ETV5: variants seen among roughly 807,000 people sequenced by gnomAD.
ETV5 encodes ETS translocation variant 5.
In ETV5, 10 loss-of-function variants were observed where a neutral mutation model predicts 70.0. The observed-to-expected ratio is 0.14, with a 90% CI of 0.09 to 0.24. The LOEUF is 0.24. ETV5 is among the 10% of genes least tolerant of loss of function. ETV5 has a pLI of 1.00. For missense variants in ETV5, 453 were observed against 651.2 expected, an observed-to-expected ratio of 0.70 and a Z score of 3.31; for synonymous variants, 216 against 242.2, an observed-to-expected ratio of 0.89 and a Z score of 1.01.
chr3:186,076,584 T>C (rs1578550251), intron 7 of ETV5: 1 of 184,672 alleles, frequency 5.4e-6, no homozygotes, highest in East Asian at 8.8e-5. Flanking sequence ...TGTGCCGCCA[T>C]GTGTGGCAAG....
intron 1 of ETV5, among the ~76,000 whole-genome samples, chr3:186,107,667 C>A (rs537480877): frequency 6.6e-6 from 1 of 152,308 alleles, no homozygotes; most frequent in African/African-American, 2.4e-5. Context: ...TTTGCCCCCC[C>A]ACCACCCGCG....
rs564366443 is a variant in ETV5 at position 186,095,952 on chromosome 3, C to G, written c.232+9353G>C. On this transcript the variant is annotated intron_variant, in intron 5 of 12. Coordinates refer to ENST00000306376, the MANE Select transcript of ETV5 (RefSeq NM_004454.3). ...CAGTGCGCAGAGCAGGCGCTGTGGCCGAGGCGGGACATAAACACGTGACAG... is the reference window on the plus strand; with the variant it reads ...CAGTGCGCAGAGCAGGCGCTGTGGCGGAGGCGGGACATAAACACGTGACAG... Among the ~76,000 whole-genome samples, 4 of 152,198 alleles carry G rather than the reference C, an allele frequency of 2.6e-5. No individual in the cohort carries two copies. The East Asian group carries it at 7.7e-4, about 29-fold the overall frequency.
intron 7 of ETV5, among the ~76,000 whole-genome samples, chr3:186,069,611 C>T (rs987158694): frequency 2.0e-5 from 3 of 151,798 alleles, no homozygotes; most frequent in East Asian, 1.9e-4. Flanking sequence ...CTCAGCTCAC[C>T]GCAACCTCCG....
intron 9 of ETV5, among the ~76,000 whole-genome samples, chr3:186,060,861 C>G (rs1024971060): frequency 6.6e-6 from 1 of 152,148 alleles, no homozygotes; most frequent in African/African-American, 2.4e-5. Context: ...TGTAATTATG[C>G]AAAATGTTTT....
At chr3:186,099,921 G>A (rs1272188806) in intron 5 of ETV5, among the ~76,000 whole-genome samples, 3 of 152,200 alleles carry the variant, frequency 2.0e-5, no homozygotes, top group African/African-American at 4.8e-5. Context: ...GACTAACAGC[G>A]CAGAGACACA....
intron 5 of ETV5, among the ~76,000 whole-genome samples, chr3:186,102,242 CTT>C (rs932453221): frequency 3.3e-5 from 5 of 151,946 alleles, no homozygotes; most frequent in African/African-American, 1.2e-4. Flanking sequence ...TAGTATTTCT[CTT>C]TCTTTCATGT....
intron 9 of ETV5, among the ~76,000 whole-genome samples, chr3:186,063,804 AG>A (rs1180395283): frequency 1.3e-5 from 2 of 152,098 alleles, no homozygotes; most frequent in African/African-American, 4.8e-5. Flanking sequence ...AGCCCCCTCA[AG>A]GTTGGTGAAG....
chr3:186,107,339 G>A (rs917933735), intron 1 of ETV5, among the ~76,000 whole-genome samples: 2 of 152,178 alleles, frequency 1.3e-5, no homozygotes, highest in African/African-American at 2.4e-5. Context: ...TCAGCAGTGA[G>A]TTGAGGGGCA....
At chr3:186,102,496 G>A (rs145647416) in intron 5 of ETV5, among the ~76,000 whole-genome samples, 1,889 of 152,066 alleles carry the variant, frequency 0.012, 32 homozygotes, top group African/African-American at 0.043. Context: ...AGCCAGGCAT[G>A]GTGGCAGGTG....
intron 7 of ETV5, among the ~76,000 whole-genome samples, chr3:186,067,110 C>G (rs185177763): frequency 6.6e-6 from 1 of 152,028 alleles, no homozygotes; most frequent in African/African-American, 2.4e-5. Context: ...ACCTGGCCAA[C>G]GTGCCAAAAC....
At chr3:186,099,285 G>GATAGA (rs10650094) in intron 5 of ETV5, among the ~76,000 whole-genome samples, 11,463 of 152,262 alleles carry the variant, frequency 0.075, 1,236 homozygotes, top group East Asian at 0.53. Flanking sequence ...ATAGGACAAT[G>GATAGA]ATAGAAACTG....
rs559873854 is a variant in ETV5, at chr3:186,091,033, C to T, written c.233-9858G>A. ...TGGACCTTAGTGTGGAATCAAGGCC[C>T]TCCATACGACTCATAGGGGACATGA... On this transcript the variant is annotated intron_variant, in intron 5 of 12. Coordinates refer to ENST00000306376, the MANE Select transcript of ETV5 (RefSeq NM_004454.3). 2.1e-3 allele frequency among the ~76,000 whole-genome samples: 316 copies of T among 152,324 alleles called. 2 individuals are homozygous for T. Among genetic ancestry groups the T allele is most frequent in the Non-Finnish European group, 3.9e-3 (262 of 68,032 alleles).
chr3:186,068,353 T>C (rs924126873), intron 7 of ETV5, among the ~76,000 whole-genome samples: 1 of 152,202 alleles, frequency 6.6e-6, no homozygotes, highest in South Asian at 2.1e-4. Flanking sequence ...AAAGTAGTAG[T>C]ATGGTGTCAT....
intron 7 of ETV5, 110 bp from the exon 8 acceptor site, chr3:186,066,182 T>A: frequency 1.1e-6 from 1 of 919,802 alleles, no homozygotes; most frequent in Non-Finnish European, 1.5e-6. Flanking sequence ...GCAAAGTACT[T>A]AATAATGCTT....
chr3:186,078,844 C>T (rs1000455271), intron 7 of ETV5, among the ~76,000 whole-genome samples: 1 of 152,034 alleles, frequency 6.6e-6, no homozygotes, highest in African/African-American at 2.4e-5. Context: ...GGGATCAGAA[C>T]CAGACAAAGG....
At chr3:186,067,713 T>C (rs948926155) in intron 7 of ETV5, among the ~76,000 whole-genome samples, 3 of 151,718 alleles carry the variant, frequency 2.0e-5, no homozygotes, top group Non-Finnish European at 2.9e-5. Context: ...ACAGCAGAAA[T>C]CATCAAGATA....
intron 12 of ETV5, among the ~76,000 whole-genome samples, chr3:186,051,085 A>AAC (rs1433430668): frequency 6.6e-6 from 1 of 152,200 alleles, no homozygotes. Flanking sequence ...CCAGACTGGG[A>AAC]ACAGCCTCAG....
Position 186,057,357 on chromosome 3 carries a change from A to T in ETV5, c.1039+66T>A, listed in dbSNP as rs1713189059. On this transcript the variant is annotated intron_variant, in intron 10 of 12. Coordinates refer to ENST00000306376, the MANE Select transcript of ETV5 (RefSeq NM_004454.3). This position sits in a 1 kb window ranked among gnomAD's most constrained non-coding sequence, Gnocchi z 4.9. ...AATCACTGGACTTGGGAAGAGAGTC[A>T]TGGCTGAGGTGTTCTGACACCTCCA... 6.2e-6 allele frequency: 10 copies of T among 1,604,974 alleles called. No individual in the cohort carries two copies. Among genetic ancestry groups the T allele is most frequent in the Non-Finnish European group, 8.5e-6 (10 of 1,172,064 alleles).
At chr3:186,067,868 A>T (rs535403875) in intron 7 of ETV5, among the ~76,000 whole-genome samples, 1 of 152,250 alleles carries the variant, frequency 6.6e-6, no homozygotes, top group Non-Finnish European at 1.5e-5. Flanking sequence ...AACTGAGGAA[A>T]AATCTCCACA....
Sources: allele counts gnomAD v4.1 joint callset (sites outside exome capture counted in the v4.1 genomes callset), GRCh38; gene constraint gnomAD v4.1.1; non-coding constraint Gnocchi (gnomAD v3.1); transcripts MANE v1.5; gene names NCBI Gene and HGNC (gene_info 2026-07-23, HGNC 2026-07-21).